Variants in CACNA1S observed in about 807,000 individuals in gnomAD.
CACNA1S encodes the protein voltage-dependent L-type calcium channel subunit alpha-1S.
CACNA1S carries 126 observed loss-of-function variants against 207.4 expected under a neutral mutation model. The ratio of observed to expected loss-of-function variants is 0.61; its 90% CI spans 0.53 to 0.70. The LOEUF is 0.70. Among genes scored for constraint, CACNA1S ranks in the 30% least tolerant of loss-of-function variants. The pLI, the probability that CACNA1S is intolerant of heterozygous loss-of-function variation, is 0.00. For synonymous variants in CACNA1S, 960 were observed against 932.7 expected (o/e 1.03, Z -0.53); for missense variants, 2,349 against 2,422.8 (o/e 0.97, Z 0.64).
In CACNA1S at chr1:201,066,621, C is replaced by A. The variant is rs1352071672; in HGVS notation, c.2657+266G>T. ...GAGCACCCCAAAGGCAGGGGCTGTG[C>A]TCCCCACAGGGTCGGGGAGGGAGGG... On this transcript the variant is annotated intron_variant, in intron 20 of 43. Transcript: ENST00000362061. This position sits in a 1 kb window ranked among gnomAD's most constrained non-coding sequence, Gnocchi z 4.3. Among the ~76,000 whole-genome samples, 1 of 152,228 alleles carries A rather than the reference C, an allele frequency of 6.6e-6. No homozygotes were observed. Among genetic ancestry groups the A allele is most frequent in the Non-Finnish European group, 1.5e-5 (1 of 68,028 alleles).
intron 10 of CACNA1S, among the ~76,000 whole-genome samples, chr1:201,081,935 G>C (rs1233922611): frequency 6.6e-6 from 1 of 151,998 alleles, no homozygotes; most frequent in Non-Finnish European, 1.5e-5. Context: ...CTCCTCAGAA[G>C]CTGAGCAGAT....
At position 201,051,032 on chromosome 1, in the gene CACNA1S, G is replaced by T. The variant is rs772774623; in HGVS notation, c.4065C>A (p.Asn1355Lys). ...APGEEYTCGTNFAYYYFISFY... is the reference protein window; with the variant it reads ...APGEEYTCGTKFAYYYFISFY... ...AGCTGATGAAGTAGTAGTATGCAAAGTTGGTGCCACATGTGTACTCCTCCC... is the reference window on the plus strand; with the variant it reads ...AGCTGATGAAGTAGTAGTATGCAAATTTGGTGCCACATGTGTACTCCTCCC... The change falls in exon 33 of 44, where the codon AAC becomes AAA. Residue 1355 changes from asparagine to lysine, a missense_variant. Asn to Lys is a moderately conservative substitution (Grantham distance 94). Transcript: ENST00000362061. 1.9e-6 allele frequency: 3 copies of T among 1,614,136 alleles called. No individual in the cohort carries two copies. The highest frequency in any genetic ancestry group is 2.7e-5 in the African/African-American group (2 of 74,936).
chr1:201,069,484 G>C lies in CACNA1S; in HGVS notation c.2478C>G (p.Ser826=), dbSNP rs1331554430. The C allele has an allele frequency of 6.2e-7, 1 of 1,604,744 alleles. No individual in the cohort carries two copies. Among genetic ancestry groups the C allele is most frequent in the South Asian group, 1.1e-5 (1 of 88,296 alleles). Residue 826 remains serine, a synonymous_variant, in exon 18 of 44, where the codon TCC becomes TCG. Coordinates refer to ENST00000362061, the MANE Select transcript of CACNA1S (RefSeq NM_000069.3). The part of the protein sequence containing the change: ...LAAEDPIRAD[S]MRNQILKHFD... ...TGAAGCCCGTCACCTGATTTCTCAT[G>C]GAATCAGCCCGGATGGGGTCTTCCG... is the stretch of plus-strand genomic sequence containing the variant.
intron 10 of CACNA1S, among the ~76,000 whole-genome samples, chr1:201,081,228 G>A (rs1306991538): frequency 6.6e-6 from 1 of 152,210 alleles, no homozygotes; most frequent in Non-Finnish European, 1.5e-5. Flanking sequence ...TTAGGGTTTA[G>A]GCCTAGGCCT....
At chr1:201,041,988 G>A (rs1245701600) in intron 40 of CACNA1S, 3 of 328,920 alleles carry the variant, frequency 9.1e-6, no homozygotes, top group Admixed American at 4.0e-5. Context: ...CAGGCATTGG[G>A]ATTTGCAGAA....
chr1:201,090,046 C>A (rs1662170529), intron 5 of CACNA1S, among the ~76,000 whole-genome samples: 1 of 152,224 alleles, frequency 6.6e-6, no homozygotes, highest in Admixed American at 6.5e-5. Flanking sequence ...CCTGCATCTC[C>A]TTTTATCTTA....
chr1:201,064,450 C>A (rs953100875), intron 22 of CACNA1S, among the ~76,000 whole-genome samples: 1 of 152,256 alleles, frequency 6.6e-6, no homozygotes, highest in Non-Finnish European at 1.5e-5. Context: ...AGCCTGTTCC[C>A]TGCCCTCAGC....
chr1:201,048,150 C>T (rs539657893), intron 36 of CACNA1S, among the ~76,000 whole-genome samples: 1 of 152,292 alleles, frequency 6.6e-6, no homozygotes, highest in East Asian at 1.9e-4. Flanking sequence ...ATACTGAGAC[C>T]CCACCCTGAC....
intron 3 of CACNA1S, among the ~76,000 whole-genome samples, chr1:201,092,664 G>C (rs1315793646): frequency 2.6e-5 from 4 of 152,272 alleles, no homozygotes; most frequent in African/African-American, 9.6e-5. Context: ...AACTCCCTGG[G>C]ACACATTGCG....
At chr1:201,085,313 G>A (rs536454942) in intron 8 of CACNA1S, 123 bp downstream of exon 8, 2 of 1,362,486 alleles carry the variant, frequency 1.5e-6, no homozygotes, top group East Asian at 2.3e-5. Flanking sequence ...TTTGCTTTAG[G>A]CAAGTCACTC....
chr1:201,053,005 C>G lies in CACNA1S; in HGVS notation c.3861+204G>C, dbSNP rs146951358. Among the ~76,000 whole-genome samples, 1 of 152,082 alleles carries G rather than the reference C, an allele frequency of 6.6e-6. No homozygotes were observed. Among genetic ancestry groups the G allele is most frequent in the Non-Finnish European group, 1.5e-5 (1 of 67,972 alleles). On this transcript the variant is annotated intron_variant, in intron 31 of 43. Transcript: ENST00000362061. The surrounding 1 kb of genome is among the most constrained non-coding windows in gnomAD (Gnocchi z 5.1). ...CTGGCCCCTGCTGTCCACCCACATG[C>G]CCAGGTTTCTCCTGGCTGGCATCCA...
At chr1:201,046,446 G>T (rs543006701) in intron 38 of CACNA1S, among the ~76,000 whole-genome samples, 24 of 151,964 alleles carry the variant, frequency 1.6e-4, no homozygotes, top group Non-Finnish European at 3.1e-4. Context: ...CTCCCAAAGC[G>T]CTGGGATTAC....
intron 1 of CACNA1S, 55 bp downstream of exon 1, chr1:201,112,133 G>T: frequency 6.4e-7 from 1 of 1,565,554 alleles, no homozygotes; most frequent in South Asian, 1.1e-5. Flanking sequence ...TGATCACCCC[G>T]AATCCCTCCC....
chr1:201,070,719 C>CT (rs1346080584), intron 16 of CACNA1S, among the ~76,000 whole-genome samples: 3 of 152,108 alleles, frequency 2.0e-5, no homozygotes, highest in African/African-American at 7.2e-5. Context: ...TATCCATAGG[C>CT]TGGGGGATGG....
intron 37 of CACNA1S, 121 bp from the exon 38 acceptor site, chr1:201,047,360 G>A: frequency 7.1e-7 from 1 of 1,411,860 alleles, no homozygotes; most frequent in Admixed American, 1.9e-5. Flanking sequence ...TGCTGACTTG[G>A]TCACTGGGCA....
chr1:201,069,964 T>G (rs964655743), intron 17 of CACNA1S, among the ~76,000 whole-genome samples: 25 of 151,872 alleles, frequency 1.6e-4, no homozygotes. Context: ...AGTTTAAAGG[T>G]GTAAAATTAT....
chr1:201,043,324 C>T lies in CACNA1S; in HGVS notation c.5005G>A (p.Ala1669Thr), dbSNP rs199989324. The change falls in exon 40 of 44, where the codon GCC (alanine) becomes ACC (threonine). Residue 1669 changes from alanine to threonine, a missense_variant. Coordinates refer to ENST00000362061, the MANE Select transcript of CACNA1S (RefSeq NM_000069.3). ...TTGCTATGGTTGCTGTTGCCATAGG[C>T]GACATTGGCGTTGGCATTGTTGGTA... The part of the protein sequence containing the change: ...ANTNNANANV[A>T]YGNSNHSNSH... The T allele has an allele frequency of 4.0e-5, 64 of 1,614,000 alleles. No homozygotes were observed. The highest frequency in any genetic ancestry group is 1.6e-4 in the Middle Eastern group (1 of 6,084).
chr1:201,071,945 C>T (rs1015794412), intron 16 of CACNA1S, among the ~76,000 whole-genome samples: 1 of 152,202 alleles, frequency 6.6e-6, no homozygotes, highest in Non-Finnish European at 1.5e-5. Context: ...ACAAAAGTCC[C>T]CCTGGAGCTT....
At chr1:201,057,480 T>C (rs933577408) in intron 28 of CACNA1S, among the ~76,000 whole-genome samples, 1 of 152,250 alleles carries the variant, frequency 6.6e-6, no homozygotes, top group African/African-American at 2.4e-5. Flanking sequence ...TAGAGATTGA[T>C]TTATTTATTG....
Sources: allele counts gnomAD v4.1 joint callset (sites outside exome capture counted in the v4.1 genomes callset), GRCh38; gene constraint gnomAD v4.1.1; non-coding constraint Gnocchi (gnomAD v3.1); transcripts MANE v1.5; gene names NCBI Gene and HGNC (gene_info 2026-07-23, HGNC 2026-07-21).